The following MAGEB6 variants were observed in gnomAD, a reference collection of about 807,000 sequenced individuals.
MAGEB6 encodes the protein melanoma-associated antigen B6.
For missense variants in MAGEB6, 327 were observed against 329.7 expected (o/e 0.99, Z 0.06); for synonymous variants, 128 against 136.2 (o/e 0.94, Z 0.42).
Position 26,194,363 on chromosome X carries a change from G to C in MAGEB6, c.517G>C (p.Glu173Gln), listed in dbSNP as rs1929160317. The C allele has an allele frequency of 1.6e-6, 2 of 1,212,335 alleles. No individual in the cohort carries two copies. The highest frequency in any genetic ancestry group is 2.2e-6 in the Non-Finnish European group (2 of 895,674). Residue 173 changes from glutamate (E) to glutamine (Q), a missense_variant, in exon 2 of 2, where the codon GAA (glutamate) becomes CAA (glutamine). Transcript: ENST00000379034. ...AAAATATGATGTGGCTGCCGAGGGT[G>C]AAGATGAGGAAAGTGTAAGCGCCTC... ...GSKYDVAAEGEDEESVSASQK... is the reference protein window; with the variant it reads ...GSKYDVAAEGQDEESVSASQK...
chrX:26,195,097 C>T lies in MAGEB6; in HGVS notation c.*27C>T, dbSNP rs1390632404. The T allele has an allele frequency of 2.9e-5, 35 of 1,189,355 alleles. No homozygotes were observed. Among genetic ancestry groups the T allele is most frequent in the Non-Finnish European group, 3.9e-5 (34 of 882,811 alleles). On this transcript the variant is annotated 3_prime_UTR_variant, in exon 2 of 2. Transcript: ENST00000379034. ...GCAGGGCTGGCACTATTTCCTTGGCCAGGGTACCTTATGGGGCCATATCCT... is the reference window on the plus strand; with the variant it reads ...GCAGGGCTGGCACTATTTCCTTGGCTAGGGTACCTTATGGGGCCATATCCT...
chrX:26,193,266 A>G (rs1184662266), intron 1 of MAGEB6, among the ~76,000 whole-genome samples: 4 of 107,945 alleles, frequency 3.7e-5, no homozygotes, highest in Non-Finnish European at 5.8e-5. Flanking sequence ...ACATATGTAT[A>G]CATGTGCCAT....
Position 26,194,127 on chromosome X carries a change from C to T in MAGEB6, c.281C>T (p.Pro94Leu), listed in dbSNP as rs137921004. ...GCCAACGGCCAAGATGAGAAAAGTCCAAGCACCTCCCGTGATGCCTCCGTT... is the reference window on the plus strand; with the variant it reads ...GCCAACGGCCAAGATGAGAAAAGTCTAAGCACCTCCCGTGATGCCTCCGTT... The part of the protein sequence containing the change: ...VAANGQDEKS[P>L]STSRDASVPQ... Residue 94 changes from proline to leucine, a missense_variant, in exon 2 of 2, where the codon CCA becomes CTA. By Grantham distance (98) the Pro-to-Leu change is moderately conservative (BLOSUM62 -3). Coordinates refer to ENST00000379034, the MANE Select transcript of MAGEB6 (RefSeq NM_173523.2). 2.1e-4 allele frequency: 246 copies of T among 1,183,230 alleles called. 2 individuals are homozygous for T. The African/African-American group carries it at 3.9e-3, about 19-fold the overall frequency.
At chrX:26,193,313 C>T (rs752769568) in intron 1 of MAGEB6, among the ~76,000 whole-genome samples, 38 of 105,231 alleles carry the variant, frequency 3.6e-4, no homozygotes, top group Non-Finnish European at 7.0e-4. Context: ...TCATTTAGCA[C>T]TAGGTATATC....
Position 26,194,071 on chromosome X carries a change from A to C in MAGEB6, c.225A>C (p.Ala75=). ...TGTCACCCACTGGGTCTCCTGATGC[A>C]GTTGTTTCATATTCAAAATCCGATG... is the stretch of plus-strand genomic sequence containing the variant. ...QGVSPTGSPD[A]VVSYSKSDVA... Residue 75 remains alanine (A), a synonymous_variant, in exon 2 of 2, where the codon GCA becomes GCC. Transcript: ENST00000379034. The C allele has an allele frequency of 1.7e-6, 2 of 1,211,529 alleles. No individual in the cohort carries two copies. Among genetic ancestry groups the C allele is most frequent in the South Asian group, 3.5e-5 (2 of 56,945 alleles).
Position 26,194,185 on chromosome X carries a change from C to G in MAGEB6, c.339C>G (p.Gly113=), listed in dbSNP as rs772774443. 8.6e-7 allele frequency: 1 copy of G among 1,167,294 alleles called. No homozygotes were observed. The highest frequency in any genetic ancestry group is 1.2e-6 in the Non-Finnish European group (1 of 865,169). Residue 113 remains glycine, a synonymous_variant, in exon 2 of 2, where the codon GGC becomes GGG. Coordinates refer to ENST00000379034, the MANE Select transcript of MAGEB6 (RefSeq NM_173523.2). Reference sequence around the variant, plus strand: ...AGTCTCAGGGAGCTTCACCCACTGGCTCTCCTGATGCAGGTGTTTCAGGCT... The same window carrying G: ...AGTCTCAGGGAGCTTCACCCACTGGGTCTCCTGATGCAGGTGTTTCAGGCT... ...PQESQGASPT[G]SPDAGVSGSK... is the part of the protein sequence containing the mutation.
In MAGEB6 at chrX:26,194,149, C is replaced by T. The variant is rs148243334; in HGVS notation, c.303C>T (p.Ser101=). Residue 101 remains serine (S), a synonymous_variant, in exon 2 of 2, where the codon TCC becomes TCT. Coordinates refer to ENST00000379034, the MANE Select transcript of MAGEB6 (RefSeq NM_173523.2). ...EKSPSTSRDA[S]VPQESQGASP... ...GTCCAAGCACCTCCCGTGATGCCTC[C>T]GTTCCTCAGGAGTCTCAGGGAGCTT... 7.3e-5 allele frequency: 86 copies of T among 1,171,383 alleles called. 2 individuals are homozygous for T. In the African/African-American group the frequency reaches 1.2e-3, roughly 17 times the overall value.
chrX:26,194,714 T>C lies in MAGEB6; in HGVS notation c.868T>C (p.Ser290Pro). 8.3e-7 allele frequency: 1 copy of C among 1,211,475 alleles called. No homozygotes were observed. The highest frequency in any genetic ancestry group is 1.1e-6 in the Non-Finnish European group (1 of 895,455). The change falls in exon 2 of 2, where the codon TCG becomes CCG. Residue 290 changes from serine to proline, a missense_variant. By Grantham distance (74) the Ser-to-Pro change is moderately conservative. Coordinates refer to ENST00000379034, the MANE Select transcript of MAGEB6 (RefSeq NM_173523.2). ...NALPKSGLLMSLLVVIFMNGN... is the reference protein window; with the variant it reads ...NALPKSGLLMPLLVVIFMNGN... ...GCTGCCGAAGTCGGGTCTCCTGATG[T>C]CGCTCCTGGTTGTGATCTTCATGAA...
In MAGEB6 at chrX:26,194,161, G is replaced by A; in HGVS notation, c.315G>A (p.Glu105=). Reference sequence around the variant, plus strand: ...CCCGTGATGCCTCCGTTCCTCAGGAGTCTCAGGGAGCTTCACCCACTGGCT... The same window carrying A: ...CCCGTGATGCCTCCGTTCCTCAGGAATCTCAGGGAGCTTCACCCACTGGCT... ...STSRDASVPQ[E]SQGASPTGSP... is the part of the protein sequence containing the mutation. The change falls in exon 2 of 2, where the codon GAG becomes GAA. Residue 105 remains glutamate (E), a synonymous_variant. Coordinates refer to ENST00000379034, the MANE Select transcript of MAGEB6 (RefSeq NM_173523.2). 1 of 1,171,677 alleles carries A rather than the reference G, an allele frequency of 8.5e-7. No homozygotes were observed. Among genetic ancestry groups the A allele is most frequent in the East Asian group, 3.0e-5 (1 of 32,895 alleles).
At position 26,194,928 on chromosome X, in the gene MAGEB6, C is replaced by T; in HGVS notation, c.1082C>T (p.Pro361Leu). Reference sequence around the variant, plus strand: ...CCATGCTATGAGTTCCTGTGGGGTCCACGAGCCTATGCTGAAACCACCAAG... The same window carrying T: ...CCATGCTATGAGTTCCTGTGGGGTCTACGAGCCTATGCTGAAACCACCAAG... The part of the protein sequence containing the change: ...DPPCYEFLWG[P>L]RAYAETTKMR... Residue 361 changes from proline to leucine, a missense_variant, in exon 2 of 2, where the codon CCA becomes CTA. By Grantham distance (98) the Pro-to-Leu change is moderately conservative. Coordinates refer to ENST00000379034, the MANE Select transcript of MAGEB6 (RefSeq NM_173523.2). 1 of 1,211,719 alleles carries T rather than the reference C, an allele frequency of 8.3e-7. No individual in the cohort carries two copies. Among genetic ancestry groups the T allele is most frequent in the Non-Finnish European group, 1.1e-6 (1 of 895,574 alleles).
Position 26,194,180 on chromosome X carries a change from A to G in MAGEB6, c.334A>G (p.Thr112Ala), listed in dbSNP as rs1428841081. ...VPQESQGASP[T>A]GSPDAGVSGS... ...TCAGGAGTCTCAGGGAGCTTCACCC[A>G]CTGGCTCTCCTGATGCAGGTGTTTC... Residue 112 changes from threonine (T) to alanine (A), a missense_variant, in exon 2 of 2, where the codon ACT (threonine) becomes GCT (alanine). By Grantham distance (58) the Thr-to-Ala change is moderately conservative (BLOSUM62 0). Coordinates refer to ENST00000379034, the MANE Select transcript of MAGEB6 (RefSeq NM_173523.2). The G allele has an allele frequency of 1.7e-6, 2 of 1,166,930 alleles. No individual in the cohort carries two copies. Among genetic ancestry groups the G allele is most frequent in the Admixed American group, 2.3e-5 (1 of 43,987 alleles).
intron 1 of MAGEB6, among the ~76,000 whole-genome samples, 165 bp downstream of exon 1, chrX:26,192,692 C>T (rs928970667): frequency 3.6e-5 from 4 of 111,327 alleles, no homozygotes; most frequent in Admixed American, 1.9e-4. Context: ...TTTTTTCCGT[C>T]GTGTTGAAGA....
chrX:26,195,451 G>A lies in MAGEB6; in HGVS notation c.*381G>A, dbSNP rs12845766. On this transcript the variant is annotated 3_prime_UTR_variant, in exon 2 of 2. Transcript: ENST00000379034. ...CATACAACACATTTTCTTTGTAATT[G>A]AGAACTAGATAACATGGTAACAGAG... 2 of 151,948 alleles carry A rather than the reference G, an allele frequency of 1.3e-5. No individual in the cohort carries two copies. Among genetic ancestry groups the A allele is most frequent in the Admixed American group, 1.6e-4 (2 of 12,853 alleles). 12.5% of individuals were successfully genotyped at this position (151,948 alleles called of 1,213,427 possible).
At chrX:26,193,091 G>A (rs1929132708) in intron 1 of MAGEB6, among the ~76,000 whole-genome samples, 1 of 111,367 alleles carries the variant, frequency 9.0e-6, no homozygotes, top group Non-Finnish European at 1.9e-5. Flanking sequence ...GGGTGTCCCC[G>A]GAATGAAGTG....
Position 26,194,130 on chromosome X carries a change from G to A in MAGEB6, c.284G>A (p.Ser95Asn), listed in dbSNP as rs747363963. The A allele has an allele frequency of 3.4e-6, 4 of 1,181,883 alleles. 1 individual carries two copies. Among genetic ancestry groups the A allele is most frequent in the Non-Finnish European group, 2.3e-6 (2 of 873,461 alleles). Residue 95 changes from serine (S) to asparagine (N), a missense_variant, in exon 2 of 2, where the codon AGC becomes AAC. Physicochemically the swap from Ser to Asn is conservative, Grantham distance 46. Coordinates refer to ENST00000379034, the MANE Select transcript of MAGEB6 (RefSeq NM_173523.2). The part of the protein sequence containing the change: ...AANGQDEKSP[S>N]TSRDASVPQE... ...AACGGCCAAGATGAGAAAAGTCCAA[G>A]CACCTCCCGTGATGCCTCCGTTCCT...
rs762005644 is a variant in MAGEB6 at position 26,194,275 on chromosome X, C to T, written c.429C>T (p.Ser143=). The stretch of plus-strand genomic sequence containing the variant: ...GTCCAAGCACTTCCCATGATGTCTC[C>T]GTTCCTCAGGAGTCTCAGGGAGCTT... ...EKSPSTSHDV[S]VPQESQGASP... The change falls in exon 2 of 2, where the codon TCC becomes TCT. Residue 143 remains serine, a synonymous_variant. Coordinates refer to ENST00000379034, the MANE Select transcript of MAGEB6 (RefSeq NM_173523.2). 87 of 1,207,055 alleles carry T rather than the reference C, an allele frequency of 7.2e-5. No individual in the cohort carries two copies. The East Asian group carries it at 2.4e-3, about 33-fold the overall frequency.
chrX:26,194,832 G>A lies in MAGEB6; in HGVS notation c.986G>A (p.Arg329Gln), dbSNP rs771286398. ...GILHSIYGDA[R>Q]KIITEDLVQD... The stretch of plus-strand genomic sequence containing the variant: ...CTGCATTCAATCTATGGGGATGCTC[G>A]GAAGATCATTACTGAAGATTTGGTG... The change falls in exon 2 of 2, where the codon CGG (arginine) becomes CAG (glutamine). Residue 329 changes from arginine to glutamine, a missense_variant. Transcript: ENST00000379034. 1.4e-5 allele frequency: 17 copies of A among 1,209,253 alleles called. No individual in the cohort carries two copies. The highest frequency in any genetic ancestry group is 1.8e-5 in the African/African-American group (1 of 56,876).
Position 26,194,102 on chromosome X carries a change from GCCAACGGCCAAGA to G in MAGEB6, c.257_269del (p.Ala86ValfsTer89). ...TTCATATTCAAAATCCGATGTGGCTGCCAACGGCCAAGATGAGAAAAGTCCAAGCACCTCCCGT... is the reference window on the plus strand; with the variant it reads ...TTCATATTCAAAATCCGATGTGGCTGTGAGAAAAGTCCAAGCACCTCCCGT... On this transcript the variant is annotated frameshift_variant, in exon 2 of 2. Coordinates refer to ENST00000379034, the MANE Select transcript of MAGEB6 (RefSeq NM_173523.2). LOFTEE classifies it low-confidence loss of function (END_TRUNC). 5.8e-6 allele frequency: 7 copies of G among 1,203,256 alleles called. No individual in the cohort carries two copies. The highest frequency in any genetic ancestry group is 1.8e-5 in the South Asian group (1 of 56,064).
chrX:26,193,056 C>T (rs1039010766), intron 1 of MAGEB6, among the ~76,000 whole-genome samples: 5 of 110,893 alleles, frequency 4.5e-5, no homozygotes, highest in Middle Eastern at 4.7e-3. Context: ...CAAATGCCTC[C>T]GCTGTTGTCA....
Sources: gnomAD v4.1 joint callset for allele counts (sites outside exome capture counted in the v4.1 genomes callset) on GRCh38, gnomAD v4.1.1 for gene constraint, MANE v1.5 for transcripts, NCBI Gene and HGNC (gene_info 2026-07-23, HGNC 2026-07-21) for gene names.